TRPM4: variants seen among roughly 807,000 people sequenced by gnomAD.
TRPM4 encodes the protein calcium-activated non-selective cation channel 1.
A neutral mutation model predicts 135.6 loss-of-function variants in TRPM4; 124 were observed. That is an observed-to-expected ratio of 0.91 (90% CI 0.79 to 1.06). The LOEUF is 1.06. Among genes scored for constraint, TRPM4 ranks in the 50% least tolerant of loss-of-function variants. The pLI is 0.00. For missense variants in TRPM4, 1,658 were observed against 1,671.4 expected (o/e 0.99, Z 0.14); for synonymous variants, 745 against 705.6 (o/e 1.06, Z -0.88).
chr19:49,183,256 A>T (rs1968070081), intron 12 of TRPM4, 44 bp downstream of exon 12: 1 of 1,612,546 alleles, frequency 6.2e-7, no homozygotes, highest in African/African-American at 1.3e-5. Flanking sequence ...CCTTTAGGCC[A>T]CTGGATGCCA....
chr19:49,184,281 C>CT (rs1968112879), intron 12 of TRPM4, among the ~76,000 whole-genome samples: 1 of 151,544 alleles, frequency 6.6e-6, no homozygotes, highest in African/African-American at 2.4e-5. Context: ...ATTTGTTTTT[C>CT]TTTTTTCTCC....
chr19:49,196,078 C>A (rs1320719059), intron 16 of TRPM4, among the ~76,000 whole-genome samples: 2 of 151,936 alleles, frequency 1.3e-5, no homozygotes, highest in Non-Finnish European at 2.9e-5. Context: ...AGGCTGGTCT[C>A]GAACTCCCTA....
chr19:49,171,778 C>G lies in TRPM4; in HGVS notation c.1050+9C>G. On this transcript the variant is annotated intron_variant, in intron 8 of 24. Transcript: ENST00000252826. This position sits in a 1 kb window ranked among gnomAD's most constrained non-coding sequence, Gnocchi z 4.7. ...AGGTCCTGCAGGCCCAGGTATGACACTGGGGGCCCAACTCTGGATCCTGAG... is the reference window on the plus strand; with the variant it reads ...AGGTCCTGCAGGCCCAGGTATGACAGTGGGGGCCCAACTCTGGATCCTGAG... The G allele has an allele frequency of 6.2e-7, 1 of 1,606,354 alleles. No homozygotes were observed. Among genetic ancestry groups the G allele is most frequent in the Non-Finnish European group, 8.5e-7 (1 of 1,178,892 alleles).
chr19:49,204,939 A>G (rs894116831), intron 20 of TRPM4, among the ~76,000 whole-genome samples: 2 of 107,972 alleles, frequency 1.9e-5, no homozygotes, highest in African/African-American at 7.2e-5. Flanking sequence ...TCTTGTTGGC[A>G]TGATTTTTGC....
At chr19:49,201,247 A>G (rs1216194790) in intron 19 of TRPM4, among the ~76,000 whole-genome samples, 1 of 152,046 alleles carries the variant, frequency 6.6e-6, no homozygotes, top group Non-Finnish European at 1.5e-5. Context: ...CGGACTTTAC[A>G]TTTTGTATTT....
Position 49,166,171 on chromosome 19 carries a change from T to C in TRPM4, c.223T>C (p.Tyr75His). 6.2e-7 allele frequency: 1 copy of C among 1,609,294 alleles called. No homozygotes were observed. The highest frequency in any genetic ancestry group is 8.5e-7 in the Non-Finnish European group (1 of 1,178,606). ...CACCACGGAGAAGCCCACCGATGCC[T>C]ACGGAGAGCTGGACTTCACGGGGGC... ...AHTTEKPTDA[Y>H]GELDFTGAGR... The change falls in exon 3 of 25, where the codon TAC becomes CAC. Residue 75 changes from tyrosine (Y) to histidine (H), a missense_variant. By Grantham distance (83) the Tyr-to-His change is moderately conservative. Around this residue, in one of 3 missense-constraint regions of TRPM4, gnomAD observed 239 missense variants for 240.1 expected, o/e 1.00. Transcript: ENST00000252826.
chr19:49,159,912 C>A (rs956036432), intron 2 of TRPM4: 2 of 152,214 alleles, frequency 1.3e-5, no homozygotes, highest in African/African-American at 2.4e-5. Flanking sequence ...AACAGATATG[C>A]GCTTGTTGGA....
Position 49,190,731 on chromosome 19 carries a change from A to C in TRPM4, c.2168A>C (p.Glu723Ala). Residue 723 changes from glutamate to alanine, a missense_variant, in exon 16 of 25, where the codon GAG (glutamate) becomes GCG (alanine). Around this residue, in one of 3 missense-constraint regions of TRPM4, gnomAD observed 1,412 missense variants for 1,408.7 expected, o/e 1.00. Transcript: ENST00000252826. ...SEEEPTREEL[E>A]FDMDSVINGE... Reference sequence around the variant, plus strand: ...GAGGAGCCCACACGGGAGGAGCTAGAGTTTGACATGGATAGTGTCATTAAT... The same window carrying C: ...GAGGAGCCCACACGGGAGGAGCTAGCGTTTGACATGGATAGTGTCATTAAT... 1 of 1,614,112 alleles carries C rather than the reference A, an allele frequency of 6.2e-7. No individual in the cohort carries two copies. Among genetic ancestry groups the C allele is most frequent in the South Asian group, 1.1e-5 (1 of 91,080 alleles).
intron 16 of TRPM4, among the ~76,000 whole-genome samples, chr19:49,194,564 C>G (rs1297261327): frequency 6.7e-6 from 1 of 150,062 alleles, no homozygotes; most frequent in East Asian, 2.0e-4. Flanking sequence ...TCCTTCCTTC[C>G]TCCTTCCTTC....
chr19:49,191,793 T>C (rs1968423105), intron 16 of TRPM4, among the ~76,000 whole-genome samples: 2 of 152,082 alleles, frequency 1.3e-5, no homozygotes, highest in African/African-American at 4.8e-5. Context: ...CCACCATGCC[T>C]GGCCCAGGGA....
In TRPM4 at chr19:49,196,380, G is replaced by A; in HGVS notation, c.2211-60G>A. On this transcript the variant is annotated intron_variant, in intron 16 of 24. Coordinates refer to ENST00000252826, the MANE Select transcript of TRPM4 (RefSeq NM_017636.4). ...CCAAGCCAAAAGTCTCGATGATGGT[G>A]GAGATCAGGACTCAGAGGTCAGAGT... 7 of 1,422,002 alleles carry A rather than the reference G, an allele frequency of 4.9e-6. No homozygotes were observed. The South Asian group carries it at 7.1e-5, about 14-fold the overall frequency. The allele number at this position is 1,422,002 out of a possible 1,614,324, so 88.1% of individuals were successfully genotyped here. A position where few individuals can be genotyped will look rare whatever the true frequency, so the allele number is the denominator to read the frequency against.
chr19:49,204,117 C>T (rs553596024), intron 20 of TRPM4, among the ~76,000 whole-genome samples: 3 of 152,084 alleles, frequency 2.0e-5, no homozygotes, highest in Non-Finnish European at 4.4e-5. Flanking sequence ...GAGACTCCAT[C>T]TCAAAAAAAG....
In TRPM4 at chr19:49,210,206, CAGTTACA is replaced by C. The variant is rs1969294986; in HGVS notation, c.3132-2_3136del. On this transcript the variant is annotated splice_acceptor_variant and coding_sequence_variant, in exon 21 of 25. Transcript: ENST00000252826. LOFTEE classifies it high-confidence loss of function. The surrounding 1 kb of genome is among the most constrained non-coding windows in gnomAD (Gnocchi z 4.1). ...AGTGACCTTTGACCTCTGGCCTTTG[CAGTTACA>C]CATTCGGCAAAGTACAGGGCAACAG... 6.2e-7 allele frequency: 1 copy of C among 1,614,122 alleles called. No homozygotes were observed. Among genetic ancestry groups the C allele is most frequent in the South Asian group, 1.1e-5 (1 of 91,094 alleles).
intron 12 of TRPM4, among the ~76,000 whole-genome samples, chr19:49,184,821 T>C (rs2122956861): frequency 6.6e-6 from 1 of 151,984 alleles, no homozygotes; most frequent in Middle Eastern, 3.4e-3. Context: ...ACTACAAAAC[T>C]TTATTTTTGA....
chr19:49,205,883 A>G (rs1277811686), intron 20 of TRPM4, among the ~76,000 whole-genome samples: 1 of 152,036 alleles, frequency 6.6e-6, no homozygotes, highest in African/African-American at 2.4e-5. Context: ...CATGACACTC[A>G]TAGATTTATG....
intron 20 of TRPM4, among the ~76,000 whole-genome samples, chr19:49,202,719 A>C (rs1479535589): frequency 6.6e-6 from 1 of 151,760 alleles, no homozygotes; most frequent in Non-Finnish European, 1.5e-5. Flanking sequence ...TTGTATTTGT[A>C]GTAGAGATAG....
chr19:49,195,083 T>A (rs1716267), intron 16 of TRPM4, among the ~76,000 whole-genome samples: 17,272 of 151,808 alleles, frequency 0.11, 1,622 homozygotes, highest in African/African-American at 0.25. Flanking sequence ...TCTTTTTTTT[T>A]AAATGGCAGC....
At chr19:49,164,678 G>C (rs983393147) in intron 2 of TRPM4, among the ~76,000 whole-genome samples, 4 of 146,892 alleles carry the variant, frequency 2.7e-5, no homozygotes, top group African/African-American at 1.0e-4. Context: ...CACTGCGCCC[G>C]GCCTCTTGCT....
In TRPM4 at chr19:49,211,651, G is replaced by T; in HGVS notation, c.*153G>T. 1 of 986,226 alleles carries T rather than the reference G, an allele frequency of 1.0e-6. No individual in the cohort carries two copies. The highest frequency in any genetic ancestry group is 1.6e-6 in the Non-Finnish European group (1 of 623,350). The allele number at this position is 986,226 out of a possible 1,614,324, so 61.1% of individuals were successfully genotyped here. A position where few individuals can be genotyped will look rare whatever the true frequency, so the allele number is the denominator to read the frequency against. The stretch of plus-strand genomic sequence containing the variant: ...CACTGTCAGGACCACCTTTGGGAGT[G>T]TCATCCTTACAAACCACAGCATGCC... On this transcript the variant is annotated 3_prime_UTR_variant, in exon 25 of 25. Coordinates refer to ENST00000252826, the MANE Select transcript of TRPM4 (RefSeq NM_017636.4). This position sits in a 1 kb window ranked among gnomAD's most constrained non-coding sequence, Gnocchi z 4.8.
Sources: allele counts gnomAD v4.1 joint callset (sites outside exome capture counted in the v4.1 genomes callset), GRCh38; gene constraint gnomAD v4.1.1; regional missense constraint gnomAD v4.1.1; non-coding constraint Gnocchi (gnomAD v3.1); transcripts MANE v1.5; gene names NCBI Gene and HGNC (gene_info 2026-07-23, HGNC 2026-07-21).